HTR4: variants seen among roughly 807,000 people sequenced by gnomAD.
HTR4 encodes 5-hydroxytryptamine (serotonin) receptor 4, G protein-coupled.
A neutral mutation model predicts 36.8 loss-of-function variants in HTR4; 16 were observed. That is an observed-to-expected ratio of 0.43 (90% CI 0.29 to 0.66). The LOEUF (loss-of-function observed/expected upper bound fraction) is 0.66, where lower values mean the gene tolerates loss of function less well. HTR4 is among the 30% of genes least tolerant of loss of function. HTR4 has a pLI of 0.13. For missense variants in HTR4, 438 were observed against 490.9 expected (o/e 0.89, Z 1.02); for synonymous variants, 189 against 185.1 (o/e 1.02, Z -0.17).
intron 5 of HTR4, chr5:148,461,845 T>G (rs757549325): frequency 5.3e-5 from 8 of 152,040 alleles, no homozygotes; most frequent in Non-Finnish European, 1.0e-4. Context: ...CATTTACCAA[T>G]ATATTACACA....
chr5:148,601,003 A>AAAAAAAG (rs1761974197), intron 2 of HTR4, among the ~76,000 whole-genome samples: 1 of 133,124 alleles, frequency 7.5e-6, no homozygotes, highest in African/African-American at 2.6e-5. Flanking sequence ...AAAAAAAAAA[A>AAAAAAAG]CAAATAATGC....
At chr5:148,465,948 G>T (rs1755415903) in intron 5 of HTR4, 1 of 1,609,952 alleles carries the variant, frequency 6.2e-7, no homozygotes, top group African/African-American at 1.3e-5. Context: ...ACAGAAAACA[G>T]CCACAGATGA....
At chr5:148,611,931 A>G (rs1326713616) in intron 2 of HTR4, among the ~76,000 whole-genome samples, 1 of 152,134 alleles carries the variant, frequency 6.6e-6, no homozygotes, top group African/African-American at 2.4e-5. Context: ...GAGACAAAGA[A>G]GGCCATTACA....
In HTR4 at chr5:148,483,074, GGTT is replaced by G; in HGVS notation, c.*126_*128del. On this transcript the variant is annotated 3_prime_UTR_variant, in exon 7 of 7. Transcript: ENST00000377888. ...CAGAGGAAAAGCCCAGCGAGCACCG[GGTT>G]CCTGCACTGGCGGACGGAAAGCCTC... 1 of 1,496,626 alleles carries G rather than the reference GGTT, an allele frequency of 6.7e-7. No homozygotes were observed. The highest frequency in any genetic ancestry group is 8.9e-7 in the Non-Finnish European group (1 of 1,117,404). The allele number at this position is 1,496,626 out of a possible 1,614,324, so 92.7% of individuals were successfully genotyped here. A position where few individuals can be genotyped will look rare whatever the true frequency, so the allele number is the denominator to read the frequency against.
rs1212537724 is a variant in HTR4, at chr5:148,567,665, C to A, written c.27-17403G>T. On this transcript the variant is annotated intron_variant, in intron 2 of 6. Coordinates refer to ENST00000377888, the MANE Select transcript of HTR4 (RefSeq NM_000870.7). The stretch of plus-strand genomic sequence containing the variant: ...TGTCAAGTGCGCTCTGACCTGTGCG[C>A]CTGTTGTGTTTTCTTCCTAGAATAT... Among the ~76,000 whole-genome samples, 3 of 152,160 alleles carry A rather than the reference C, an allele frequency of 2.0e-5. No individual in the cohort carries two copies. The East Asian group carries it at 5.8e-4, about 29-fold the overall frequency.
chr5:148,496,542 T>C (rs1447685707), intron 6 of HTR4, among the ~76,000 whole-genome samples: 1 of 152,210 alleles, frequency 6.6e-6, no homozygotes, highest in African/African-American at 2.4e-5. Context: ...TAAAGTGCTG[T>C]CCTAACGTAA....
chr5:148,463,165 CTTTTTTTTTTTTTTT>C (rs71001490), intron 5 of HTR4, among the ~76,000 whole-genome samples: 28 of 64,154 alleles, frequency 4.4e-4, no homozygotes, highest in Non-Finnish European at 5.8e-4. Context: ...CTTTTTTTTT[CTTTTTTTTTTTTTTT>C]TTTTTTTTTT....
chr5:148,458,792 C>T (rs571332683), intron 5 of HTR4, among the ~76,000 whole-genome samples: 5 of 152,108 alleles, frequency 3.3e-5, no homozygotes, highest in Non-Finnish European at 7.4e-5. Context: ...CTGTTGTCCT[C>T]GTCCTAAAAG....
intron 2 of HTR4, among the ~76,000 whole-genome samples, chr5:148,587,280 A>T (rs1022165137): frequency 7.2e-5 from 11 of 152,214 alleles, no homozygotes; most frequent in African/African-American, 2.4e-4. Flanking sequence ...AGAAATTTAG[A>T]CATAGTCTTT....
At chr5:148,459,995 G>A (rs1056183556) in intron 5 of HTR4, among the ~76,000 whole-genome samples, 8 of 152,116 alleles carry the variant, frequency 5.3e-5, no homozygotes, top group African/African-American at 1.9e-4. Flanking sequence ...AAACACTGCT[G>A]CAAAAATGAA....
At chr5:148,466,029 C>T in intron 5 of HTR4, 1 of 1,541,440 alleles carries the variant, frequency 6.5e-7, no homozygotes, top group Non-Finnish European at 8.7e-7. Context: ...CACATGATCT[C>T]AGCCTAAATA....
At chr5:148,631,780 A>T (rs962868314) in intron 2 of HTR4, among the ~76,000 whole-genome samples, 1 of 152,180 alleles carries the variant, frequency 6.6e-6, no homozygotes, top group Non-Finnish European at 1.5e-5. Flanking sequence ...TGGTGTCATG[A>T]CAGAATTAAG....
Position 148,548,843 on chromosome 5 carries a change from C to A in HTR4, c.178G>T (p.Val60Leu). The A allele has an allele frequency of 6.2e-7, 1 of 1,612,790 alleles. No individual in the cohort carries two copies. The highest frequency in any genetic ancestry group is 1.1e-5 in the South Asian group (1 of 91,000). Residue 60 changes from valine to leucine, a missense_variant, in exon 4 of 7, where the codon GTA (valine) becomes TTA (leucine). Coordinates refer to ENST00000377888, the MANE Select transcript of HTR4 (RefSeq NM_000870.7). ...LRKIKTNYFIVSLAFADLLVS... is the reference protein window; with the variant it reads ...LRKIKTNYFILSLAFADLLVS... ...AGCAGATCCGCAAAAGCAAGAGATA[C>A]AATGAAATAATTTGTTTTTATTTTC...
chr5:148,496,057 G>A lies in HTR4; in HGVS notation c.1077-12764C>T, dbSNP rs535575772. Among the ~76,000 whole-genome samples, 228 of 152,154 alleles carry A rather than the reference G, an allele frequency of 1.5e-3. 1 individual carries two copies. Among genetic ancestry groups the A allele is most frequent in the Non-Finnish European group, 2.6e-3 (174 of 68,016 alleles). On this transcript the variant is annotated intron_variant, in intron 6 of 6. Transcript: ENST00000377888. Reference sequence around the variant, plus strand: ...GGAGGTTGCAGTAAGCCGAAATCGCGCCACTGCACTCCAGCCTGGGTGACA... The same window carrying A: ...GGAGGTTGCAGTAAGCCGAAATCGCACCACTGCACTCCAGCCTGGGTGACA...
At chr5:148,531,019 C>T (rs1045622552) in intron 4 of HTR4, among the ~76,000 whole-genome samples, 2 of 152,196 alleles carry the variant, frequency 1.3e-5, no homozygotes, top group Non-Finnish European at 2.9e-5. Flanking sequence ...AATGCCTATA[C>T]CCTCATTTTA....
At chr5:148,473,733 A>G (rs1224942624), downstream of HTR4, among the ~76,000 whole-genome samples, 2 of 152,202 alleles carry the variant, frequency 1.3e-5, no homozygotes, top group Non-Finnish European at 2.9e-5. Context: ...GAGGTAGTCT[A>G]GGGCATCTGT....
At chr5:148,622,184 A>G (rs1752940766) in intron 2 of HTR4, among the ~76,000 whole-genome samples, 2 of 152,220 alleles carry the variant, frequency 1.3e-5, no homozygotes, top group Admixed American at 1.3e-4. Context: ...AACTTCTGTA[A>G]GTAAACTAAG....
intron 2 of HTR4, among the ~76,000 whole-genome samples, chr5:148,567,732 T>G (rs1000099746): frequency 6.6e-6 from 1 of 152,184 alleles, no homozygotes. Flanking sequence ...TGTCTTCACT[T>G]AGGTCTCTGC....
intron 5 of HTR4, among the ~76,000 whole-genome samples, chr5:148,463,429 C>G (rs1335971989): frequency 1.3e-5 from 2 of 151,982 alleles, no homozygotes; most frequent in South Asian, 4.2e-4. Flanking sequence ...ATCCACCCAG[C>G]TCGACCTCCC....
Sources: gnomAD v4.1 joint callset for allele counts (sites outside exome capture counted in the v4.1 genomes callset) on GRCh38, gnomAD v4.1.1 for gene constraint, MANE v1.5 for transcripts, NCBI Gene and HGNC (gene_info 2026-07-23, HGNC 2026-07-21) for gene names.